POTEJ: variants seen among roughly 807,000 people sequenced by gnomAD.
The protein encoded by POTEJ is POTE ankyrin domain family member J.
Under a neutral mutation model 69.0 loss-of-function variants are expected in POTEJ, and 11 were observed. The ratio of observed to expected loss-of-function variants is 0.16; its 90% CI spans 0.10 to 0.26. The LOEUF (loss-of-function observed/expected upper bound fraction) is 0.26, where lower values mean the gene tolerates loss of function less well. Ranked by LOEUF, POTEJ falls within the 10% of genes least tolerant of loss-of-function variation. The pLI is 1.00. For synonymous variants in POTEJ, 117 were observed against 381.1 expected (o/e 0.31, Z 8.07); for missense variants, 327 against 1,045.5 (o/e 0.31, Z 9.48).
chr2:130,646,854 G>A (rs576925898), intron 13 of POTEJ, among the ~76,000 whole-genome samples: 4 of 147,520 alleles, frequency 2.7e-5, no homozygotes, highest in Non-Finnish European at 4.4e-5. Flanking sequence ...AGCTCCATCC[G>A]TGTTGCTGCA....
At chr2:130,638,375 A>G (rs535957496) in intron 9 of POTEJ, among the ~76,000 whole-genome samples, 1 of 150,770 alleles carries the variant, frequency 6.6e-6, no homozygotes, top group African/African-American at 2.4e-5. Flanking sequence ...ATGTCAGGCT[A>G]ACGCAAGTTA....
At chr2:130,655,238 T>C (rs554065146) in intron 14 of POTEJ, among the ~76,000 whole-genome samples, 197 bp downstream of exon 14, 40 of 152,208 alleles carry the variant, frequency 2.6e-4, no homozygotes, top group African/African-American at 8.9e-4. Flanking sequence ...AACAGTTGAG[T>C]AGTGACCTGC....
intron 13 of POTEJ, among the ~76,000 whole-genome samples, chr2:130,651,800 A>G (rs1244179105): frequency 6.9e-6 from 1 of 145,250 alleles, no homozygotes; most frequent in Non-Finnish European, 1.5e-5. Context: ...TATCTCATTA[A>G]AAAGTTGTTA....
At chr2:130,643,030 AC>A (rs1686449372) in intron 10 of POTEJ, among the ~76,000 whole-genome samples, 1 of 148,822 alleles carries the variant, frequency 6.7e-6, no homozygotes, top group South Asian at 2.1e-4. Context: ...TAAAACAAAG[AC>A]TGTTTTTACA....
intron 13 of POTEJ, among the ~76,000 whole-genome samples, chr2:130,646,602 A>T (rs1207616886): frequency 6.9e-6 from 1 of 145,684 alleles, no homozygotes; most frequent in Non-Finnish European, 1.5e-5. Context: ...TTATATAGGT[A>T]AACTGTATCA....
chr2:130,613,384 G>GTGTGTATA (rs775956806), intron 1 of POTEJ, among the ~76,000 whole-genome samples: 9 of 83,574 alleles, frequency 1.1e-4, no homozygotes, highest in African/African-American at 3.2e-4. Flanking sequence ...GTGTGTGTGT[G>GTGTGTATA]TATATATATA....
chr2:130,621,696 GT>G (rs1256189780), intron 5 of POTEJ, 93 bp downstream of exon 5: 1 of 1,611,230 alleles, frequency 6.2e-7, no homozygotes, highest in Non-Finnish European at 8.5e-7. Context: ...AGATGTCATA[GT>G]TTGGTTCAGG....
At position 130,641,431 on chromosome 2, in the gene POTEJ, A is replaced by G. The variant is rs1291752022; in HGVS notation, c.1370-2552A>G. Among the ~76,000 whole-genome samples, 9 of 148,540 alleles carry G rather than the reference A, an allele frequency of 6.1e-5. 2 individuals carry two copies. The highest frequency in any genetic ancestry group is 2.7e-4 in the Admixed American group (4 of 14,782). On this transcript the variant is annotated intron_variant, in intron 10 of 14. Transcript: ENST00000409602. The stretch of plus-strand genomic sequence containing the variant: ...CTTAATTTTTTTCCTGTAAGAAATA[A>G]CATTAATAGTTGGCAGTTTTCTTTT...
At chr2:130,636,074 G>A (rs1686076192) in intron 9 of POTEJ, among the ~76,000 whole-genome samples, 2 of 144,264 alleles carry the variant, frequency 1.4e-5, no homozygotes, top group Admixed American at 6.6e-5. Flanking sequence ...TTGCCATCCT[G>A]TATCTACCCC....
At position 130,625,190 on chromosome 2, in the gene POTEJ, T is replaced by C. The variant is rs1685658780; in HGVS notation, c.1015+1056T>C. ...AGATGGAATAGATGTAGTTTTGATCTTTAAGGTGCTCATAATAGAGCTGTC... is the reference window on the plus strand; with the variant it reads ...AGATGGAATAGATGTAGTTTTGATCCTTAAGGTGCTCATAATAGAGCTGTC... On this transcript the variant is annotated intron_variant, in intron 6 of 14. Transcript: ENST00000409602. Among the ~76,000 whole-genome samples the C allele has an allele frequency of 3.9e-5, 6 of 152,264 alleles. No homozygotes were observed. The South Asian group carries it at 1.0e-3, about 26-fold the overall frequency.
At chr2:130,638,133 G>A (rs570730019) in intron 9 of POTEJ, among the ~76,000 whole-genome samples, 1 of 150,020 alleles carries the variant, frequency 6.7e-6, no homozygotes, top group East Asian at 1.9e-4. Flanking sequence ...GGGATTCCAA[G>A]ATAATTTCAG....
chr2:130,640,963 G>A (rs568665217), intron 10 of POTEJ, among the ~76,000 whole-genome samples: 339 of 151,964 alleles, frequency 2.2e-3, no homozygotes, highest in South Asian at 0.012. Flanking sequence ...GTATTAAGGC[G>A]TTCTGGTTAT....
At chr2:130,626,785 A>G (rs1352394152) in intron 6 of POTEJ, among the ~76,000 whole-genome samples, 1 of 152,182 alleles carries the variant, frequency 6.6e-6, no homozygotes, top group Non-Finnish European at 1.5e-5. Context: ...AGTGAAATAC[A>G]TAAAGTTAGG....
chr2:130,636,467 GT>G (rs1391749137), intron 9 of POTEJ, among the ~76,000 whole-genome samples: 1 of 144,216 alleles, frequency 6.9e-6, no homozygotes, highest in Non-Finnish European at 1.5e-5. Context: ...CAAATAAAAG[GT>G]TTTTTGTATT....
intron 10 of POTEJ, among the ~76,000 whole-genome samples, chr2:130,639,252 G>T (rs1304441397): frequency 1.3e-5 from 2 of 152,428 alleles, no homozygotes; most frequent in East Asian, 1.9e-4. Context: ...GCCCTGCTCT[G>T]GGAGGTCCTA....
intron 9 of POTEJ, among the ~76,000 whole-genome samples, chr2:130,634,059 G>A (rs1414172874): frequency 1.3e-5 from 2 of 151,828 alleles, no homozygotes; most frequent in African/African-American, 4.9e-5. Context: ...CCACAGGTGT[G>A]CAACATCACA....
At chr2:130,626,618 T>C (rs2105214555) in intron 6 of POTEJ, among the ~76,000 whole-genome samples, 1 of 152,290 alleles carries the variant, frequency 6.6e-6, no homozygotes, top group South Asian at 2.1e-4. Context: ...AGATTGGATT[T>C]GGCCTGTGGC....
At chr2:130,646,394 AT>A (rs1428353771) in intron 13 of POTEJ, 84 bp downstream of exon 13, 6 of 497,124 alleles carry the variant, frequency 1.2e-5, no homozygotes, top group Non-Finnish European at 2.2e-5. Context: ...TGATGAACAA[AT>A]TTTATACTTT....
rs376364470 is a variant in POTEJ, at chr2:130,651,974, A to ACCCC, written c.1668-2941_1668-2938dup. 1.1e-3 allele frequency among the ~76,000 whole-genome samples: 128 copies of ACCCC among 119,854 alleles called. 2 individuals carry two copies. The highest frequency in any genetic ancestry group is 4.9e-3 in the African/African-American group (113 of 23,148). 78.6% of individuals were successfully genotyped at this position (119,854 alleles called of 152,430 possible). ...ATTTAGATATTTTAAAAATAAGGAT[A>ACCCC]CCCCCCCCCAATAGTTTGGCTTTGT... On this transcript the variant is annotated intron_variant, in intron 13 of 14. Transcript: ENST00000409602.
Sources: gnomAD v4.1 joint callset for allele counts (sites outside exome capture counted in the v4.1 genomes callset) on GRCh38, gnomAD v4.1.1 for gene constraint, MANE v1.5 for transcripts, NCBI Gene and HGNC (gene_info 2026-07-23, HGNC 2026-07-21) for gene names.